Variants in SEMA4C observed in about 807,000 individuals in gnomAD.
SEMA4C encodes semaphorin 4C.
In SEMA4C, 19 loss-of-function variants were observed where a neutral mutation model predicts 89.0. That is an observed-to-expected ratio of 0.21 (90% CI 0.15 to 0.31). The LOEUF is 0.31. Ranked by LOEUF, SEMA4C falls within the 10% of genes least tolerant of loss-of-function variation. SEMA4C has a pLI of 1.00. For missense variants in SEMA4C, 811 were observed against 1,107.0 expected (o/e 0.73, Z 3.79); for synonymous variants, 428 against 472.7 (o/e 0.91, Z 1.23).
rs576033097 is a variant in SEMA4C at position 96,861,062 on chromosome 2, C to T, written c.2066G>A (p.Arg689Gln). The T allele has an allele frequency of 3.7e-6, 6 of 1,612,844 alleles. No individual in the cohort carries two copies. Among genetic ancestry groups the T allele is most frequent in the African/African-American group, 1.3e-5 (1 of 75,028 alleles). The change falls in exon 15 of 15, where the codon CGG becomes CAG. Residue 689 changes from arginine to glutamine, a missense_variant. Physicochemically the swap from Arg to Gln is conservative, Grantham distance 43 (BLOSUM62 1). Transcript: ENST00000305476. This position sits in a 1 kb window ranked among gnomAD's most constrained non-coding sequence, Gnocchi z 7.8. ...CCCTTTCTCCAGCTCTTCCCGCAGCCGCCGGCGCAATGACAGCACCAGCAG... is the reference window on the plus strand; with the variant it reads ...CCCTTTCTCCAGCTCTTCCCGCAGCTGCCGGCGCAATGACAGCACCAGCAG... Reference protein sequence around the residue: ...LLLLVLSLRRRLREELEKGAK... With the variant: ...LLLLVLSLRRQLREELEKGAK...
At chr2:96,863,242 T>C in intron 12 of SEMA4C, 1 of 1,003,870 alleles carries the variant, frequency 1.0e-6, no homozygotes, top group Non-Finnish European at 1.2e-6. Context: ...TGCACAAGGG[T>C]ATAATGCAAG....
At chr2:96,865,413 C>A (rs1281848734) in intron 6 of SEMA4C, 28 bp downstream of exon 6, 1 of 1,612,170 alleles carries the variant, frequency 6.2e-7, no homozygotes, top group South Asian at 1.1e-5. Context: ...AAGGACTCAC[C>A]CAGCCTGCAT....
At chr2:96,866,577 C>G (rs562151902) in intron 2 of SEMA4C, 146 bp from the exon 3 acceptor site, 66 of 1,180,474 alleles carry the variant, frequency 5.6e-5, no homozygotes, top group Admixed American at 9.7e-5. Flanking sequence ...TTTGAAACAG[C>G]CTTTGGCCCT....
At position 96,861,878 on chromosome 2, in the gene SEMA4C, C is replaced by A. The variant is rs1316507482; in HGVS notation, c.1460G>T (p.Gly487Val). 1.2e-6 allele frequency: 2 copies of A among 1,611,152 alleles called. No individual in the cohort carries two copies. Among genetic ancestry groups the A allele is most frequent in the African/African-American group, 1.3e-5 (1 of 75,036 alleles). ...LSQSKKLLFA[G>V]SRSQLVQLPV... Reference sequence around the variant, plus strand: ...CAGCTGCACCAGCTGAGAGCGGGAGCCGGCAAAGAGCAGCTTCTGCGAGAA... The same window carrying A: ...CAGCTGCACCAGCTGAGAGCGGGAGACGGCAAAGAGCAGCTTCTGCGAGAA... The change falls in exon 13 of 15, where the codon GGC becomes GTC. Residue 487 changes from glycine (G) to valine (V), a missense_variant. Gly to Val is a moderately radical substitution (Grantham distance 109, BLOSUM62 -3). Coordinates refer to ENST00000305476, the MANE Select transcript of SEMA4C (RefSeq NM_017789.5). This position sits in a 1 kb window ranked among gnomAD's most constrained non-coding sequence, Gnocchi z 7.8.
chr2:96,860,512 G>A lies in SEMA4C; in HGVS notation c.*114C>T. ...CTCATGGCCGGGTGGGTGCTGGGCA[G>A]TATCTGTCCCAGACAGAGCAGGTGC... On this transcript the variant is annotated 3_prime_UTR_variant, in exon 15 of 15. Transcript: ENST00000305476. 1 of 949,966 alleles carries A rather than the reference G, an allele frequency of 1.1e-6. No individual in the cohort carries two copies. The highest frequency in any genetic ancestry group is 1.5e-6 in the Non-Finnish European group (1 of 646,680). The allele number at this position is 949,966 out of a possible 1,614,324, so 58.8% of individuals were successfully genotyped here. A position where few individuals can be genotyped will look rare whatever the true frequency, so the allele number is the denominator to read the frequency against.
chr2:96,870,472 G>A (rs772457390), upstream of SEMA4C: 377 of 947,814 alleles, frequency 4.0e-4, 1 homozygote, highest in Non-Finnish European at 4.6e-4. Context: ...CCGCGGGCGA[G>A]CCACGTCGAG....
chr2:96,869,208 G>A (rs2153365993), intron 1 of SEMA4C: 3 of 985,372 alleles, frequency 3.0e-6, no homozygotes, highest in East Asian at 1.1e-4. Flanking sequence ...GCCGCACCCC[G>A]TGGCGTGCTC....
chr2:96,864,435 C>T lies in SEMA4C; in HGVS notation c.963-53G>A, dbSNP rs1276649537. On this transcript the variant is annotated intron_variant, in intron 9 of 14. Coordinates refer to ENST00000305476, the MANE Select transcript of SEMA4C (RefSeq NM_017789.5). This position sits in a 1 kb window ranked among gnomAD's most constrained non-coding sequence, Gnocchi z 6.3. ...CAGGTACCCACCTTATCTCTTCCCA[C>T]CCCAGCTAAGGGCAAGCAGCAGGAA... The T allele has an allele frequency of 6.2e-7, 1 of 1,604,492 alleles. No individual in the cohort carries two copies. The highest frequency in any genetic ancestry group is 8.5e-7 in the Non-Finnish European group (1 of 1,177,852).
rs1156574761 is a variant in SEMA4C, at chr2:96,861,714, G to A, written c.1601+23C>T. On this transcript the variant is annotated intron_variant, in intron 13 of 14. Transcript: ENST00000305476. This position sits in a 1 kb window ranked among gnomAD's most constrained non-coding sequence, Gnocchi z 7.8. The stretch of plus-strand genomic sequence containing the variant: ...ACCACCCTGAGTCCCTGGAGGTCCT[G>A]GCCTATGTAGAGCCCAACTCACCCA... 6.2e-7 allele frequency: 1 copy of A among 1,611,298 alleles called. No individual in the cohort carries two copies. The highest frequency in any genetic ancestry group is 1.3e-5 in the African/African-American group (1 of 74,886).
rs201290789 is a variant in SEMA4C, at chr2:96,860,784, G to A, written c.2344C>T (p.Arg782Trp). The A allele has an allele frequency of 1.2e-5, 19 of 1,613,778 alleles. No individual in the cohort carries two copies. The East Asian group carries it at 1.3e-4, about 11-fold the overall frequency. Residue 782 changes from arginine to tryptophan, a missense_variant, in exon 15 of 15, where the codon CGG (arginine) becomes TGG (tryptophan). Arg to Trp is a moderately radical substitution (Grantham distance 101). This residue lies in a region of SEMA4C where 248 missense variants were observed against 269.0 expected (regional missense o/e 0.92). Transcript: ENST00000305476. ...SPTRLHLGGG[R>W]NSNANGYVRL... ...ACGTAACCATTGGCATTTGAGTTCC[G>A]CCCACCCCCCAGGTGAAGCCGAGTT...
chr2:96,865,851 G>A lies in SEMA4C; in HGVS notation c.321+16C>T, dbSNP rs780310747. Reference sequence around the variant, plus strand: ...TGGGGTGAAGGCAGCACCAGGAGCAGCGTCCAAGCACCCACCTGGTTGTTC... The same window carrying A: ...TGGGGTGAAGGCAGCACCAGGAGCAACGTCCAAGCACCCACCTGGTTGTTC... On this transcript the variant is annotated intron_variant, in intron 4 of 14. Transcript: ENST00000305476. 6.2e-7 allele frequency: 1 copy of A among 1,613,874 alleles called. No individual in the cohort carries two copies. The highest frequency in any genetic ancestry group is 8.5e-7 in the Non-Finnish European group (1 of 1,179,898).
intron 12 of SEMA4C, chr2:96,862,746 C>T (rs1434670193): frequency 6.6e-6 from 1 of 151,940 alleles, no homozygotes; most frequent in East Asian, 1.9e-4. Context: ...CCTGTAGTCC[C>T]AGCTACATGG....
Position 96,864,052 on chromosome 2 carries a change from C to G in SEMA4C, c.1204G>C (p.Glu402Gln). ...NFVKKHPLME[E>Q]QVGPRWSRPL... is the part of the protein sequence containing the mutation. The stretch of plus-strand genomic sequence containing the variant: ...CGGCTCCACCGAGGCCCCACCTGCT[C>G]CTCCATCAGCGGGTGCTTCTTGACG... Residue 402 changes from glutamate to glutamine, a missense_variant, in exon 11 of 15, where the codon GAG (glutamate) becomes CAG (glutamine). Glu to Gln is a conservative substitution (Grantham distance 29). Transcript: ENST00000305476. The surrounding 1 kb of genome is among the most constrained non-coding windows in gnomAD (Gnocchi z 6.3). The G allele has an allele frequency of 6.2e-7, 1 of 1,613,376 alleles. No individual in the cohort carries two copies. Among genetic ancestry groups the G allele is most frequent in the Non-Finnish European group, 8.5e-7 (1 of 1,180,022 alleles).
chr2:96,861,986 G>C lies in SEMA4C; in HGVS notation c.1444-92C>G. 7.2e-7 allele frequency: 1 copy of C among 1,383,372 alleles called. No homozygotes were observed. Among genetic ancestry groups the C allele is most frequent in the Non-Finnish European group, 9.8e-7 (1 of 1,018,204 alleles). The allele number at this position is 1,383,372 out of a possible 1,614,324, so 85.7% of individuals were successfully genotyped here. On this transcript the variant is annotated intron_variant, in intron 12 of 14. Transcript: ENST00000305476. This position sits in a 1 kb window ranked among gnomAD's most constrained non-coding sequence, Gnocchi z 7.8. ...CAGAACGCAGCATGGGGACAGCTTG[G>C]ACTCCTGCAGGGGGCACAGCACGGG...
chr2:96,864,696 C>T lies in SEMA4C; in HGVS notation c.962+9G>A. ...CCTCCCCACTCTGTGGGAGCCCTGG[C>T]CAACTCACCACTGTGCTTGAAAAAC... On this transcript the variant is annotated intron_variant, in intron 9 of 14. Coordinates refer to ENST00000305476, the MANE Select transcript of SEMA4C (RefSeq NM_017789.5). The surrounding 1 kb of genome is among the most constrained non-coding windows in gnomAD (Gnocchi z 6.3). 6.3e-7 allele frequency: 1 copy of T among 1,597,308 alleles called. No individual in the cohort carries two copies. The highest frequency in any genetic ancestry group is 8.6e-7 in the Non-Finnish European group (1 of 1,168,994).
chr2:96,860,591 T>A lies in SEMA4C; in HGVS notation c.*35A>T, dbSNP rs752903723. 15 of 1,550,724 alleles carry A rather than the reference T, an allele frequency of 9.7e-6. No homozygotes were observed. The highest frequency in any genetic ancestry group is 1.3e-5 in the Non-Finnish European group (15 of 1,143,578). On this transcript the variant is annotated 3_prime_UTR_variant, in exon 15 of 15. Coordinates refer to ENST00000305476, the MANE Select transcript of SEMA4C (RefSeq NM_017789.5). ...CCTGTGCAAAAGTAGGAGCTACACC[T>A]CCCACGCTTCCCGCCGACGCGGTGG... is the stretch of plus-strand genomic sequence containing the variant.
chr2:96,861,124 C>T lies in SEMA4C; in HGVS notation c.2004G>A (p.Ala668=), dbSNP rs961739786. The part of the protein sequence containing the change: ...PLENLGLVWL[A]VVALGAVCLV... ...GGCACACAGCCCCCAGGGCCACCAC[C>T]GCCAGCCACACCAGCCCCAGGTTTT... Residue 668 remains alanine, a synonymous_variant, in exon 15 of 15, where the codon GCG becomes GCA. Transcript: ENST00000305476. This position sits in a 1 kb window ranked among gnomAD's most constrained non-coding sequence, Gnocchi z 7.8. 8.1e-6 allele frequency: 13 copies of T among 1,611,590 alleles called. No individual in the cohort carries two copies. The highest frequency in any genetic ancestry group is 3.3e-5 in the Admixed American group (2 of 59,982).
Position 96,861,994 on chromosome 2 carries a change from C to T in SEMA4C, c.1444-100G>A. 2 of 1,286,688 alleles carry T rather than the reference C, an allele frequency of 1.6e-6. No homozygotes were observed. The highest frequency in any genetic ancestry group is 1.4e-5 in the South Asian group (1 of 72,516). The allele number at this position is 1,286,688 out of a possible 1,614,324, so 79.7% of individuals were successfully genotyped here. A position where few individuals can be genotyped will look rare whatever the true frequency, so the allele number is the denominator to read the frequency against. ...AGCATGGGGACAGCTTGGACTCCTG[C>T]AGGGGGCACAGCACGGGGCGCCAGA... On this transcript the variant is annotated intron_variant, in intron 12 of 14. Transcript: ENST00000305476. The surrounding 1 kb of genome is among the most constrained non-coding windows in gnomAD (Gnocchi z 7.8).
rs1368232333 is a variant in SEMA4C, at chr2:96,861,491, C to T, written c.1673-36G>A. 1 of 1,610,074 alleles carries T rather than the reference C, an allele frequency of 6.2e-7. No individual in the cohort carries two copies. Among genetic ancestry groups the T allele is most frequent in the Non-Finnish European group, 8.5e-7 (1 of 1,176,930 alleles). ...AGAGAAAACAGAGTGCATGTTAGTGCAGGAAAGCAGGGCTGGGGAAGAGGA... is the reference window on the plus strand; with the variant it reads ...AGAGAAAACAGAGTGCATGTTAGTGTAGGAAAGCAGGGCTGGGGAAGAGGA... On this transcript the variant is annotated intron_variant, in intron 14 of 14. Coordinates refer to ENST00000305476, the MANE Select transcript of SEMA4C (RefSeq NM_017789.5). This position sits in a 1 kb window ranked among gnomAD's most constrained non-coding sequence, Gnocchi z 7.8.
Sources: allele counts gnomAD v4.1 joint callset, GRCh38; gene constraint gnomAD v4.1.1; regional missense constraint gnomAD v4.1.1; non-coding constraint Gnocchi (gnomAD v3.1); transcripts MANE v1.5; gene names NCBI Gene and HGNC (gene_info 2026-07-23, HGNC 2026-07-21).